Variants in CDH4 observed in about 807,000 individuals in gnomAD.
CDH4 encodes the protein cadherin-4.
In CDH4, 33 loss-of-function variants were observed where a neutral mutation model predicts 86.0. The ratio of observed to expected loss-of-function variants is 0.38; its 90% confidence interval spans 0.29 to 0.51. The LOEUF is 0.51. Among genes scored for constraint, CDH4 ranks in the 20% least tolerant of loss-of-function variants. CDH4 has a pLI of 0.86. For missense variants in CDH4, 1,114 were observed against 1,307.4 expected, an observed-to-expected ratio of 0.85 and a Z score of 2.28; for synonymous variants, 555 against 549.4, an observed-to-expected ratio of 1.01 and a Z score of -0.14.
chr20:61,482,493 C>T (rs1318851162), intron 2 of CDH4, among the ~76,000 whole-genome samples: 3 of 152,164 alleles, frequency 2.0e-5, no homozygotes, highest in African/African-American at 7.2e-5. Flanking sequence ...GAGGCCTGGA[C>T]GCGCCTGTGC....
In CDH4 at chr20:61,676,141, A is replaced by G. The variant is rs1450135730; in HGVS notation, c.170-67422A>G. ...TGAGACTTAATTCCAGGTTCTCTGA[A>G]TGGGGCCTGCCAGTTCGAATTTGCA... is the stretch of plus-strand genomic sequence containing the variant. On this transcript the variant is annotated intron_variant, in intron 2 of 15. Transcript: ENST00000614565. The surrounding 1 kb of genome is among the most constrained non-coding windows in gnomAD (Gnocchi z 4.5). Among the ~76,000 whole-genome samples the G allele has an allele frequency of 6.6e-6, 1 of 152,174 alleles. No homozygotes were observed. Among genetic ancestry groups the G allele is most frequent in the Non-Finnish European group, 1.5e-5 (1 of 68,020 alleles).
At chr20:61,691,327 GT>G (rs1375162638) in intron 2 of CDH4, among the ~76,000 whole-genome samples, 1 of 151,980 alleles carries the variant, frequency 6.6e-6, no homozygotes, top group Non-Finnish European at 1.5e-5. Flanking sequence ...GTGTGTGCAA[GT>G]GGATGTGTGT....
chr20:61,899,066 G>T (rs1236889761), intron 8 of CDH4, among the ~76,000 whole-genome samples: 2 of 152,188 alleles, frequency 1.3e-5, no homozygotes, highest in Non-Finnish European at 2.9e-5. Context: ...GGAGGCCAAG[G>T]TGGGTGGATC....
At chr20:61,778,569 T>C (rs891627279) in intron 4 of CDH4, among the ~76,000 whole-genome samples, 1 of 151,334 alleles carries the variant, frequency 6.6e-6, no homozygotes, top group Non-Finnish European at 1.5e-5. Context: ...GAGCCAGGGG[T>C]ATCTGTGGCA....
At chr20:61,720,388 TAGGGGTGC>T (rs1477406941) in intron 2 of CDH4, among the ~76,000 whole-genome samples, 2 of 142,098 alleles carry the variant, frequency 1.4e-5, no homozygotes, top group Non-Finnish European at 3.1e-5. Flanking sequence ...GTGCAGAGTG[TAGGGGTGC>T]AGGGGTGCGA....
At chr20:61,454,591 G>A (rs1455010329) in intron 2 of CDH4, among the ~76,000 whole-genome samples, 1 of 152,126 alleles carries the variant, frequency 6.6e-6, no homozygotes, top group Non-Finnish European at 1.5e-5. Flanking sequence ...GACTACAGGC[G>A]CCTGCCACCA....
chr20:61,298,422 C>A (rs2427051), intron 2 of CDH4, among the ~76,000 whole-genome samples: 140,053 of 151,878 alleles, frequency 0.92, 65,233 homozygotes, highest in Non-Finnish European at 0.99. Flanking sequence ...ACTTCTCCCC[C>A]ACACCCCTTC....
chr20:61,556,910 G>A (rs1420821190), intron 2 of CDH4, among the ~76,000 whole-genome samples: 1 of 151,924 alleles, frequency 6.6e-6, no homozygotes, highest in African/African-American at 2.4e-5. Context: ...CCTCACACCA[G>A]GGCTGATCCC....
chr20:61,432,723 C>T (rs1033232246), intron 2 of CDH4, among the ~76,000 whole-genome samples: 5 of 151,936 alleles, frequency 3.3e-5, no homozygotes, highest in Non-Finnish European at 1.5e-5. Flanking sequence ...TTTTGTGGTT[C>T]ATACTTCCCA....
intron 2 of CDH4, among the ~76,000 whole-genome samples, chr20:61,559,509 A>ATT (rs1347282522): frequency 7.4e-5 from 8 of 107,804 alleles, no homozygotes; most frequent in African/African-American, 3.3e-4. Flanking sequence ...TTTCTTTTTA[A>ATT]TTTTTTTTTC....
At chr20:61,329,718 A>G (rs1341958382) in intron 2 of CDH4, among the ~76,000 whole-genome samples, 1 of 152,270 alleles carries the variant, frequency 6.6e-6, no homozygotes, top group East Asian at 1.9e-4. Flanking sequence ...TCCAGGATAC[A>G]TGTGTAGGAC....
chr20:61,489,255 T>G (rs1384222458), intron 2 of CDH4, among the ~76,000 whole-genome samples: 3 of 152,162 alleles, frequency 2.0e-5, no homozygotes, highest in Non-Finnish European at 4.4e-5. Context: ...GCCTCTCCTG[T>G]TTGAGCAGAT....
intron 2 of CDH4, among the ~76,000 whole-genome samples, chr20:61,678,883 A>G (rs923238657): frequency 6.6e-6 from 1 of 152,228 alleles, no homozygotes; most frequent in African/African-American, 2.4e-5. Flanking sequence ...CCTTGCCTCT[A>G]ATTACACTGG....
chr20:61,830,414 G>C (rs1211845343), intron 4 of CDH4, among the ~76,000 whole-genome samples: 3 of 152,132 alleles, frequency 2.0e-5, no homozygotes, highest in Non-Finnish European at 2.9e-5. Context: ...CTGTCCCCCT[G>C]CATCCAGGAG....
chr20:61,882,482 T>G (rs570822417), intron 7 of CDH4, among the ~76,000 whole-genome samples: 1 of 152,304 alleles, frequency 6.6e-6, no homozygotes, highest in East Asian at 1.9e-4. Context: ...CTGGATTCTC[T>G]CAAGATTCAG....
intron 2 of CDH4, among the ~76,000 whole-genome samples, chr20:61,495,003 A>G (rs1185106906): frequency 6.6e-6 from 1 of 152,238 alleles, no homozygotes; most frequent in African/African-American, 2.4e-5. Context: ...ATCCACAGGG[A>G]GCCACCTTGC....
At chr20:61,507,940 G>A (rs1026318126) in intron 2 of CDH4, among the ~76,000 whole-genome samples, 1 of 152,202 alleles carries the variant, frequency 6.6e-6, no homozygotes, top group African/African-American at 2.4e-5. Flanking sequence ...GCTTTAAAAT[G>A]TATAAACAAG....
Position 61,570,694 on chromosome 20 carries a change from G to A in CDH4, c.170-172869G>A, listed in dbSNP as rs145093839. 8 of 702,376 alleles carry A rather than the reference G, an allele frequency of 1.1e-5. No homozygotes were observed. The East Asian group carries it at 1.3e-4, about 12-fold the overall frequency. The allele number at this position is 702,376 out of a possible 1,614,324, so 43.5% of individuals were successfully genotyped here. A position where few individuals can be genotyped will look rare whatever the true frequency, so the allele number is the denominator to read the frequency against. ...CAGAACTCAAGTTCCAGAGGAAAGCGATGCCAAAGTCAACAGGGATGCTTC... is the reference window on the plus strand; with the variant it reads ...CAGAACTCAAGTTCCAGAGGAAAGCAATGCCAAAGTCAACAGGGATGCTTC... On this transcript the variant is annotated intron_variant, in intron 2 of 15. Coordinates refer to ENST00000614565, the MANE Select transcript of CDH4 (RefSeq NM_001794.5).
chr20:61,737,055 C>T (rs915477991), intron 2 of CDH4, among the ~76,000 whole-genome samples: 13 of 152,184 alleles, frequency 8.5e-5, no homozygotes, highest in Admixed American at 8.5e-4. Context: ...GTGTGCAGCC[C>T]TTCCTGGGAA....
Sources: gnomAD v4.1 joint callset for allele counts (sites outside exome capture counted in the v4.1 genomes callset) on GRCh38, gnomAD v4.1.1 for gene constraint, Gnocchi (gnomAD v3.1) non-coding constraint, MANE v1.5 for transcripts, NCBI Gene and HGNC (gene_info 2026-07-23, HGNC 2026-07-21) for gene names.